Variants in GALNTL6 observed in about 807,000 individuals in gnomAD.
GALNTL6 encodes polypeptide N-acetylgalactosaminyltransferase-like 6.
A neutral mutation model predicts 73.7 loss-of-function variants in GALNTL6; 46 were observed. The observed-to-expected ratio is 0.62, with a 90% CI of 0.49 to 0.80. The LOEUF is 0.80. Ranked by LOEUF, GALNTL6 falls within the 30% of genes least tolerant of loss-of-function variation. GALNTL6 has a pLI of 0.00. For missense variants in GALNTL6, 604 were observed against 755.0 expected, an observed-to-expected ratio of 0.80 and a Z score of 2.34; for synonymous variants, 259 against 263.7, an observed-to-expected ratio of 0.98 and a Z score of 0.17.
chr4:172,945,074 A>G (rs1003399935), intron 9 of GALNTL6, among the ~76,000 whole-genome samples: 3 of 150,738 alleles, frequency 2.0e-5, no homozygotes, highest in African/African-American at 7.3e-5. Flanking sequence ...AAAAAAAAAG[A>G]AAAAAAAAGA....
chr4:172,393,660 G>T (rs552086244), intron 5 of GALNTL6, among the ~76,000 whole-genome samples: 157 of 152,136 alleles, frequency 1.0e-3, no homozygotes, highest in African/African-American at 3.7e-3. Flanking sequence ...TTTTGTCTTC[G>T]AGATTTCCCT....
At chr4:172,539,219 C>T (rs1047447953) in intron 5 of GALNTL6, among the ~76,000 whole-genome samples, 4 of 152,176 alleles carry the variant, frequency 2.6e-5, no homozygotes, top group Admixed American at 6.5e-5. Flanking sequence ...ACTTCACCAT[C>T]ATCTATGAAT....
At chr4:172,561,142 A>G (rs6818604) in intron 5 of GALNTL6, among the ~76,000 whole-genome samples, 7,021 of 150,570 alleles carry the variant, frequency 0.047, 494 homozygotes, top group African/African-American at 0.16. Context: ...AGTCCCAGCT[A>G]CTCGGGAGGC....
intron 7 of GALNTL6, among the ~76,000 whole-genome samples, chr4:172,856,431 AG>A (rs796345444): frequency 7.7e-4 from 118 of 152,320 alleles, no homozygotes; most frequent in African/African-American, 2.4e-3. Flanking sequence ...CTTATTTTCC[AG>A]CCTTTTCACT....
At chr4:172,292,482 T>A (rs1232408155) in intron 3 of GALNTL6, among the ~76,000 whole-genome samples, 1 of 152,146 alleles carries the variant, frequency 6.6e-6, no homozygotes, top group African/African-American at 2.4e-5. Context: ...AAATTGATCT[T>A]CAGTTGTAGT....
intron 5 of GALNTL6, among the ~76,000 whole-genome samples, chr4:172,480,339 T>G (rs1733402797): frequency 6.6e-6 from 1 of 152,070 alleles, no homozygotes; most frequent in Non-Finnish European, 1.5e-5. Flanking sequence ...AAGTCATAAC[T>G]CGTGGTCTCT....
At chr4:172,004,861 C>T (rs1740786727) in intron 2 of GALNTL6, among the ~76,000 whole-genome samples, 1 of 150,328 alleles carries the variant, frequency 6.7e-6, no homozygotes, top group African/African-American at 2.4e-5. Context: ...AAAGTTACAA[C>T]TCTGTATGTA....
chr4:172,659,933 C>G (rs532584597), intron 5 of GALNTL6, among the ~76,000 whole-genome samples: 1 of 152,294 alleles, frequency 6.6e-6, no homozygotes, highest in African/African-American at 2.4e-5. Flanking sequence ...TACAACACAT[C>G]TCTTACTATG....
In GALNTL6 at chr4:172,077,614, C is replaced by T. The variant is rs116150856; in HGVS notation, c.139-152042C>T. On this transcript the variant is annotated intron_variant, in intron 2 of 12. Transcript: ENST00000506823. ...AAAAGAGTATATTTGTATGTGTGAA[C>T]AAAGAGATTATTTGAAACTGGAACT... Among the ~76,000 whole-genome samples, 1,343 of 151,916 alleles carry T rather than the reference C, an allele frequency of 8.8e-3. 27 individuals are homozygous for T. Among genetic ancestry groups the T allele is most frequent in the African/African-American group, 0.031 (1,289 of 41,426 alleles).
At chr4:172,431,972 A>G (rs1393967107) in intron 5 of GALNTL6, among the ~76,000 whole-genome samples, 1 of 152,172 alleles carries the variant, frequency 6.6e-6, no homozygotes, top group African/African-American at 2.4e-5. Flanking sequence ...ATCCAATAGC[A>G]GCATTCCTTT....
chr4:172,082,120 A>G (rs1442742201), intron 2 of GALNTL6, among the ~76,000 whole-genome samples: 1 of 152,104 alleles, frequency 6.6e-6, no homozygotes, highest in African/African-American at 2.4e-5. Context: ...CAAATGATCC[A>G]GCTGCCTCGG....
intron 5 of GALNTL6, chr4:172,669,318 A>G (rs1448918197): frequency 1.3e-5 from 2 of 152,084 alleles, no homozygotes; most frequent in South Asian, 2.1e-4. Context: ...CTGAGATAGT[A>G]CTCTCCCCCA....
intron 2 of GALNTL6, among the ~76,000 whole-genome samples, chr4:172,133,284 A>G (rs558174481): frequency 6.6e-6 from 1 of 152,256 alleles, no homozygotes; most frequent in South Asian, 2.1e-4. Context: ...AACTATGAAT[A>G]GAGAATCCAT....
chr4:172,347,133 G>T (rs904090444), intron 4 of GALNTL6, among the ~76,000 whole-genome samples: 1 of 151,800 alleles, frequency 6.6e-6, no homozygotes, highest in African/African-American at 2.4e-5. Context: ...AGGATGACAG[G>T]CGTGTGCCAC....
chr4:171,872,590 G>A (rs1244768706), intron 2 of GALNTL6, among the ~76,000 whole-genome samples: 1 of 152,104 alleles, frequency 6.6e-6, no homozygotes, highest in African/African-American at 2.4e-5. Context: ...CTGAAATCAA[G>A]GTGTTGGCAG....
rs189320505 is a variant in GALNTL6, at chr4:172,196,304, A to G, written c.139-33352A>G. ...GAATTCTGAAATTGAGGCTGTAACAAATAGCCACCAACCAAAAAAATCCCA... is the reference window on the plus strand; with the variant it reads ...GAATTCTGAAATTGAGGCTGTAACAGATAGCCACCAACCAAAAAAATCCCA... On this transcript the variant is annotated intron_variant, in intron 2 of 12. Transcript: ENST00000506823. 2.0e-5 allele frequency among the ~76,000 whole-genome samples: 3 copies of G among 152,316 alleles called. No individual in the cohort carries two copies. In the East Asian group the frequency reaches 5.8e-4, roughly 29 times the overall value.
intron 5 of GALNTL6, among the ~76,000 whole-genome samples, chr4:172,791,897 T>C (rs1482756799): frequency 6.6e-6 from 1 of 152,230 alleles, no homozygotes; most frequent in Non-Finnish European, 1.5e-5. Context: ...TGTTGGATTC[T>C]GCTCTGCTGA....
intron 5 of GALNTL6, among the ~76,000 whole-genome samples, chr4:172,491,094 T>A (rs1157392149): frequency 6.6e-6 from 1 of 152,096 alleles, no homozygotes; most frequent in Non-Finnish European, 1.5e-5. Context: ...ATTTTACATG[T>A]GAGAAAACAG....
intron 5 of GALNTL6, among the ~76,000 whole-genome samples, chr4:172,465,691 A>C (rs1013382766): frequency 3.9e-5 from 6 of 152,196 alleles, no homozygotes; most frequent in Admixed American, 3.3e-4. Context: ...TTAGGATTCC[A>C]TATGCAAATA....
Sources: gnomAD v4.1 joint callset for allele counts (sites outside exome capture counted in the v4.1 genomes callset) on GRCh38, gnomAD v4.1.1 for gene constraint, MANE v1.5 for transcripts, NCBI Gene and HGNC (gene_info 2026-07-23, HGNC 2026-07-21) for gene names.